The following PPRC1 variants were observed in gnomAD, a reference collection of about 807,000 sequenced individuals.
PPRC1 encodes PPARG related coactivator 1, also known as peroxisome proliferator-activated receptor gamma coactivator-related protein 1.
A neutral mutation model predicts 132.5 loss-of-function variants in PPRC1; 23 were observed. The observed-to-expected ratio is 0.17, with a 90% CI of 0.12 to 0.25. The LOEUF (loss-of-function observed/expected upper bound fraction) is 0.25, where lower values mean the gene tolerates loss of function less well. Ranked by LOEUF, PPRC1 falls within the 10% of genes least tolerant of loss-of-function variation. The pLI is 1.00. For missense variants in PPRC1, 2,006 were observed against 2,089.1 expected (o/e 0.96, Z 0.78); for synonymous variants, 872 against 833.5 (o/e 1.05, Z -0.80).
rs1049374062 is a variant in PPRC1 at position 102,140,419 on chromosome 10, T to C, written c.1911T>C (p.Ala637=). 3.7e-6 allele frequency: 6 copies of C among 1,614,094 alleles called. No homozygotes were observed. Among genetic ancestry groups the C allele is most frequent in the African/African-American group, 2.7e-5 (2 of 74,926 alleles). The change falls in exon 5 of 14, where the codon GCT becomes GCC. Residue 637 remains alanine (A), a synonymous_variant. Transcript: ENST00000278070. The part of the protein sequence containing the change: ...AEPVLINPVL[A]DSAAVDPAVV... ...CAGTGCTGATCAACCCAGTCCTGGC[T>C]GACTCAGCAGCAGTTGACCCTGCAG...
At chr10:102,133,651 G>A (rs923827844) in intron 1 of PPRC1, among the ~76,000 whole-genome samples, 2 of 151,992 alleles carry the variant, frequency 1.3e-5, no homozygotes, top group Admixed American at 6.6e-5. Context: ...ATCCACGTGG[G>A]TCGGGCTCCT....
intron 1 of PPRC1, among the ~76,000 whole-genome samples, chr10:102,135,653 A>G (rs948917735): frequency 2.6e-5 from 4 of 152,250 alleles, no homozygotes; most frequent in Admixed American, 6.5e-5. Flanking sequence ...TGCTGGGATT[A>G]CAGGCGTGAG....
intron 1 of PPRC1, among the ~76,000 whole-genome samples, chr10:102,137,292 G>T (rs1024143442): frequency 6.6e-6 from 1 of 152,150 alleles, no homozygotes; most frequent in African/African-American, 2.4e-5. Flanking sequence ...GTGTCATGGG[G>T]ATGGGGGTAG....
At chr10:102,149,470 C>T (rs577743332) in intron 13 of PPRC1, 141 bp downstream of exon 13, 28 of 1,032,724 alleles carry the variant, frequency 2.7e-5, no homozygotes, top group African/African-American at 1.5e-4. Context: ...TGGTGGCTCA[C>T]GCCTGTAATC....
upstream of PPRC1, among the ~76,000 whole-genome samples, chr10:102,128,910 G>A (rs1168253995): frequency 4.8e-5 from 7 of 145,002 alleles, no homozygotes; most frequent in Non-Finnish European, 6.0e-5. Context: ...CACCATGCCC[G>A]GCCAGCGGCA....
At chr10:102,145,575 A>C (rs1378854088) in intron 8 of PPRC1, among the ~76,000 whole-genome samples, 2 of 149,670 alleles carry the variant, frequency 1.3e-5, no homozygotes, top group Non-Finnish European at 3.0e-5. Context: ...TCTAAAAAAA[A>C]AAAAAAATGT....
chr10:102,146,543 T>C (rs989029491), intron 8 of PPRC1, 129 bp from the exon 9 acceptor site: 2 of 1,325,630 alleles, frequency 1.5e-6, no homozygotes, highest in South Asian at 1.5e-5. Flanking sequence ...GTGGGAAAAG[T>C]TGGGCTGCTT....
At chr10:102,137,114 G>A (rs189870248) in intron 1 of PPRC1, among the ~76,000 whole-genome samples, 30 of 152,266 alleles carry the variant, frequency 2.0e-4, no homozygotes, top group African/African-American at 3.6e-4. Flanking sequence ...TGAGTCGGGC[G>A]GATTACTTGA....
At chr10:102,123,833 CTT>C in the PPRC1 span, among the ~76,000 whole-genome samples, 555 of 68,194 alleles carry the variant, frequency 8.1e-3, 1 homozygote, top group African/African-American at 0.029. Context: ...CACGCCCGGC[CTT>C]TTTTTTTTTT....
Position 102,138,890 on chromosome 10 carries a change from G to A in PPRC1, c.501G>A (p.Leu167=). 6.2e-7 allele frequency: 1 copy of A among 1,614,066 alleles called. No individual in the cohort carries two copies. The highest frequency in any genetic ancestry group is 8.5e-7 in the Non-Finnish European group (1 of 1,179,980). ...SPREGSSLHK[L]LTLSRTPPER... is the part of the protein sequence containing the mutation. ...TCTTTCCCTCTTAGCTGCACAAGCT[G>A]CTTACTCTCTCTCGGACACCCCCAG... is the stretch of plus-strand genomic sequence containing the variant. Residue 167 remains leucine, a synonymous_variant, in exon 4 of 14, where the codon CTG becomes CTA. Transcript: ENST00000278070.
upstream of PPRC1, among the ~76,000 whole-genome samples, chr10:102,128,952 C>T (rs374798650): frequency 6.3e-5 from 5 of 79,388 alleles, no homozygotes; most frequent in Non-Finnish European, 6.9e-5. Context: ...TTTTTTGAGA[C>T]GGAGTCTCGC....
Position 102,141,906 on chromosome 10 carries a change from C to G in PPRC1, c.3398C>G (p.Pro1133Arg), listed in dbSNP as rs370120361. The change falls in exon 5 of 14, where the codon CCT becomes CGT. Residue 1133 changes from proline to arginine, a missense_variant. Coordinates refer to ENST00000278070, the MANE Select transcript of PPRC1 (RefSeq NM_015062.5). Reference sequence around the variant, plus strand: ...AGGCAGAGCACTGTCCCCAAGCTGCCTGCTGTCCACCCAGCCCGTCTAAGG... The same window carrying G: ...AGGCAGAGCACTGTCCCCAAGCTGCGTGCTGTCCACCCAGCCCGTCTAAGG... ...TPRQSTVPKL[P>R]AVHPARLRKL... 2.4e-5 allele frequency: 39 copies of G among 1,614,186 alleles called. No individual in the cohort carries two copies. In the African/African-American group the frequency reaches 4.7e-4, roughly 19 times the overall value.
the PPRC1 span, among the ~76,000 whole-genome samples, chr10:102,126,674 G>A: frequency 2.6e-5 from 4 of 151,490 alleles, no homozygotes; most frequent in Non-Finnish European, 5.9e-5. Context: ...GGCTAGGCTG[G>A]TCTTGAACTC....
chr10:102,123,371 G>T, the PPRC1 span, among the ~76,000 whole-genome samples: 1 of 151,934 alleles, frequency 6.6e-6, no homozygotes, highest in South Asian at 2.1e-4. Context: ...AAGGGATGTG[G>T]TAGGAAGGGG....
At chr10:102,134,345 C>T (rs903243131) in intron 1 of PPRC1, among the ~76,000 whole-genome samples, 2 of 152,106 alleles carry the variant, frequency 1.3e-5, no homozygotes, top group Non-Finnish European at 2.9e-5. Flanking sequence ...ACATGTTCAA[C>T]AGTTGAACAT....
the PPRC1 span, chr10:102,119,949 C>T: frequency 1.8e-6 from 1 of 543,802 alleles, no homozygotes; most frequent in Non-Finnish European, 2.9e-6. Context: ...CAGCCTGAGG[C>T]CCCGCGTAGC....
rs747616591 is a variant in PPRC1, at chr10:102,140,277, T to C, written c.1769T>C (p.Val590Ala). Residue 590 changes from valine (V) to alanine (A), a missense_variant, in exon 5 of 14, where the codon GTT becomes GCT. Physicochemically the swap from Val to Ala is moderately conservative, Grantham distance 64. Transcript: ENST00000278070. ...AQASPMPVDS[V>A]EADPTAVGPV... ...GCCAGCCCCATGCCAGTTGACTCTG[T>C]TGAAGCTGATCCCACTGCAGTTGGC... is the stretch of plus-strand genomic sequence containing the variant. 6.2e-7 allele frequency: 1 copy of C among 1,614,228 alleles called. No homozygotes were observed. Among genetic ancestry groups the C allele is most frequent in the South Asian group, 1.1e-5 (1 of 91,088 alleles).
At position 102,141,615 on chromosome 10, in the gene PPRC1, C is replaced by T; in HGVS notation, c.3107C>T (p.Pro1036Leu). ...AATGTACTTCCCTTGTCGATGGCTCCTCCCCTCAGTCTTGGGCTACCTGGC... is the reference window on the plus strand; with the variant it reads ...AATGTACTTCCCTTGTCGATGGCTCTTCCCCTCAGTCTTGGGCTACCTGGC... ...PENVLPLSMA[P>L]PLSLGLPGHG... The change falls in exon 5 of 14, where the codon CCT becomes CTT. Residue 1036 changes from proline (P) to leucine (L), a missense_variant. Physicochemically the swap from Pro to Leu is moderately conservative, Grantham distance 98. Around this residue, in one of 2 missense-constraint regions of PPRC1, gnomAD observed 1,914 missense variants for 1,917.2 expected, o/e 1.00. Coordinates refer to ENST00000278070, the MANE Select transcript of PPRC1 (RefSeq NM_015062.5). The T allele has an allele frequency of 6.2e-7, 1 of 1,614,164 alleles. No individual in the cohort carries two copies. Among genetic ancestry groups the T allele is most frequent in the Non-Finnish European group, 8.5e-7 (1 of 1,180,030 alleles).
intron 7 of PPRC1, chr10:102,144,594 C>G (rs964461465): frequency 6.0e-5 from 31 of 514,572 alleles, no homozygotes; most frequent in African/African-American, 4.8e-4. Context: ...GGATTTCTTT[C>G]TTTCATTTAA....
Sources: allele counts gnomAD v4.1 joint callset (sites outside exome capture counted in the v4.1 genomes callset), GRCh38; gene constraint gnomAD v4.1.1; regional missense constraint gnomAD v4.1.1; transcripts MANE v1.5; gene names NCBI Gene and HGNC (gene_info 2026-07-23, HGNC 2026-07-21).